The following CDH18 variants were observed in gnomAD, a reference collection of about 807,000 sequenced individuals.
The protein encoded by CDH18 is cadherin-18.
Under a neutral mutation model 67.9 loss-of-function variants are expected in CDH18, and 31 were observed. The ratio of observed to expected loss-of-function variants is 0.46; its 90% CI spans 0.34 to 0.62. CDH18 has a LOEUF of 0.62. Among genes scored for constraint, CDH18 ranks in the 20% least tolerant of loss-of-function variants. CDH18 has a pLI of 0.01. For synonymous variants in CDH18, 362 were observed against 347.2 expected (o/e 1.04, Z -0.48); for missense variants, 890 against 975.5 (o/e 0.91, Z 1.17).
chr5:19,733,605 A>G (rs977720981), intron 4 of CDH18, among the ~76,000 whole-genome samples: 1 of 152,106 alleles, frequency 6.6e-6, no homozygotes, highest in Non-Finnish European at 1.5e-5. Flanking sequence ...CAGAAAGTCT[A>G]TAACACTGGC....
At chr5:20,492,342 T>A (rs2126392282) in intron 1 of CDH18, among the ~76,000 whole-genome samples, 1 of 152,256 alleles carries the variant, frequency 6.6e-6, no homozygotes, top group East Asian at 1.9e-4. Flanking sequence ...ATTGGCTGAA[T>A]ATAGACAAGG....
intron 2 of CDH18, among the ~76,000 whole-genome samples, chr5:20,159,114 T>C (rs953110574): frequency 6.6e-6 from 1 of 152,170 alleles, no homozygotes; most frequent in Non-Finnish European, 1.5e-5. Context: ...AAGTTTTGAT[T>C]TGTGATAAAG....
At chr5:20,161,197 T>A (rs931819818) in intron 2 of CDH18, among the ~76,000 whole-genome samples, 11 of 152,238 alleles carry the variant, frequency 7.2e-5, no homozygotes, top group African/African-American at 2.7e-4. Context: ...TTCAGTTCCA[T>A]GTGACATAGC....
intron 2 of CDH18, among the ~76,000 whole-genome samples, chr5:20,119,086 G>C (rs887371276): frequency 6.6e-6 from 1 of 152,054 alleles, no homozygotes; most frequent in African/African-American, 2.4e-5. Flanking sequence ...GTGTTCTGAA[G>C]CATCAATGCA....
chr5:19,785,964 G>A (rs1775734652), intron 3 of CDH18, among the ~76,000 whole-genome samples: 1 of 151,592 alleles, frequency 6.6e-6, no homozygotes, highest in Non-Finnish European at 1.5e-5. Context: ...GACAAGGGAA[G>A]TGATGGTAAA....
At chr5:20,563,026 T>C (rs17839229) in intron 1 of CDH18, among the ~76,000 whole-genome samples, 20,809 of 151,192 alleles carry the variant, frequency 0.14, 1,576 homozygotes, top group Admixed American at 0.19. Context: ...CTAACTAATC[T>C]AGATCATTTT....
At chr5:19,830,030 A>G (rs1384786617) in intron 3 of CDH18, among the ~76,000 whole-genome samples, 3 of 152,228 alleles carry the variant, frequency 2.0e-5, no homozygotes, top group Non-Finnish European at 4.4e-5. Flanking sequence ...ATCATTTACA[A>G]CAATGAACTT....
At chr5:20,134,453 C>T (rs982424592) in intron 2 of CDH18, among the ~76,000 whole-genome samples, 1 of 152,072 alleles carries the variant, frequency 6.6e-6, no homozygotes, top group Non-Finnish European at 1.5e-5. Context: ...TTTTTAATTT[C>T]TAGCATTTTA....
At chr5:19,808,274 A>G (rs1278371464) in intron 3 of CDH18, among the ~76,000 whole-genome samples, 2 of 151,830 alleles carry the variant, frequency 1.3e-5, no homozygotes, top group African/African-American at 4.8e-5. Context: ...ACGAATGCCT[A>G]TAATTTTCTT....
intron 1 of CDH18, among the ~76,000 whole-genome samples, chr5:20,484,399 A>G (rs2126333338): frequency 6.6e-6 from 1 of 152,202 alleles, no homozygotes; most frequent in East Asian, 1.9e-4. Flanking sequence ...AAATAGAGCT[A>G]CTATATGATC....
intron 2 of CDH18, among the ~76,000 whole-genome samples, chr5:20,089,410 C>A (rs1580213191): frequency 6.6e-6 from 1 of 152,050 alleles, no homozygotes; most frequent in African/African-American, 2.4e-5. Context: ...ACTGGAAGAT[C>A]ACCTCATATA....
intron 2 of CDH18, among the ~76,000 whole-genome samples, chr5:20,172,850 C>G (rs1736940254): frequency 1.3e-5 from 2 of 151,764 alleles, no homozygotes; most frequent in South Asian, 4.2e-4. Context: ...ATTAGCCAGG[C>G]ATGGTGGCAC....
chr5:20,246,706 A>G (rs1030056792), intron 2 of CDH18, among the ~76,000 whole-genome samples: 1 of 152,206 alleles, frequency 6.6e-6, no homozygotes, highest in Non-Finnish European at 1.5e-5. Flanking sequence ...ATGATGGTTA[A>G]GAGCAAGGAA....
intron 1 of CDH18, among the ~76,000 whole-genome samples, chr5:20,562,991 G>GT (rs60380534): frequency 0.21 from 30,446 of 142,322 alleles, 3,195 homozygotes; most frequent in African/African-American, 0.26. Flanking sequence ...GAGAAGGTAG[G>GT]TTTTTTTTTT....
intron 1 of CDH18, among the ~76,000 whole-genome samples, chr5:20,458,998 A>C (rs1751037343): frequency 6.6e-6 from 1 of 151,570 alleles, no homozygotes; most frequent in Admixed American, 6.6e-5. Flanking sequence ...TCCTAAAAAA[A>C]AGTGTATACA....
chr5:20,078,595 T>C (rs1483572989), intron 2 of CDH18, among the ~76,000 whole-genome samples: 2 of 152,016 alleles, frequency 1.3e-5, no homozygotes, highest in African/African-American at 4.8e-5. Context: ...TTTTTTTTGG[T>C]ATAATTTTAT....
chr5:19,638,546 GT>G (rs67949388), intron 5 of CDH18, among the ~76,000 whole-genome samples: 106,095 of 149,326 alleles, frequency 0.71, 38,108 homozygotes, highest in South Asian at 0.8. Context: ...TCTTTACTAA[GT>G]TTTTTTTTTC....
chr5:20,366,747 A>G (rs1282503538), intron 1 of CDH18, among the ~76,000 whole-genome samples: 1 of 152,186 alleles, frequency 6.6e-6, no homozygotes, highest in African/African-American at 2.4e-5. Context: ...TTCCCGATAC[A>G]TATTAGCTAG....
intron 1 of CDH18, among the ~76,000 whole-genome samples, chr5:20,516,364 A>G (rs1015199742): frequency 6.6e-6 from 1 of 152,024 alleles, no homozygotes; most frequent in African/African-American, 2.4e-5. Context: ...AATATTACAA[A>G]AAACAAATAA....
Sources: gnomAD v4.1 joint callset for allele counts (sites outside exome capture counted in the v4.1 genomes callset) on GRCh38, gnomAD v4.1.1 for gene constraint, MANE v1.5 for transcripts, NCBI Gene and HGNC (gene_info 2026-07-23, HGNC 2026-07-21) for gene names.